COL6A6: variants seen among roughly 807,000 people sequenced by gnomAD.
COL6A6 encodes the protein collagen alpha-6(VI) chain.
Under a neutral mutation model 208.6 loss-of-function variants are expected in COL6A6, and 183 were observed. The ratio of observed to expected loss-of-function variants is 0.88; its 90% confidence interval spans 0.78 to 0.99. COL6A6 has a LOEUF of 0.99. Ranked by LOEUF, COL6A6 falls within the 50% of genes least tolerant of loss-of-function variation. The probability of loss-of-function intolerance (pLI) is 0.00; values close to 1 mark genes in which losing one functional copy is unlikely to be tolerated. For synonymous variants in COL6A6, 973 were observed against 1,011.8 expected, an observed-to-expected ratio of 0.96 and a Z score of 0.73; for missense variants, 2,816 against 2,815.2, an observed-to-expected ratio of 1.00 and a Z score of -0.01.
chr3:130,537,993 T>TG (rs200970005), intron 1 of COL6A6, among the ~76,000 whole-genome samples: 2 of 151,386 alleles, frequency 1.3e-5, no homozygotes, highest in African/African-American at 4.8e-5. Flanking sequence ...AAATTTCCAG[T>TG]GAAAGATAAT....
At chr3:130,589,908 A>G in intron 12 of COL6A6, 2 of 389,638 alleles carry the variant, frequency 5.1e-6, no homozygotes, top group Non-Finnish European at 1.0e-5. Flanking sequence ...CTCCCAAATC[A>G]CCAGGGCTAT....
At chr3:130,563,771 C>T (rs182128327) in intron 3 of COL6A6, 107 bp downstream of exon 3, 185 of 737,114 alleles carry the variant, frequency 2.5e-4, no homozygotes, top group Admixed American at 1.6e-3. Flanking sequence ...AAATGGGCTG[C>T]ATTTTCAGAT....
chr3:130,534,231 C>T (rs1348673936), intron 1 of COL6A6, among the ~76,000 whole-genome samples: 1 of 152,070 alleles, frequency 6.6e-6, no homozygotes, highest in Non-Finnish European at 1.5e-5. Flanking sequence ...GAAATGGAAC[C>T]TCACTGTTTT....
chr3:130,621,819 A>G lies in COL6A6; in HGVS notation c.4816-2A>G. 6.2e-7 allele frequency: 1 copy of G among 1,613,316 alleles called. No homozygotes were observed. ...ATTTGCAAACCCCTTGTTTTGTTTCAGGGGCCTCCAGGACCCGGAGGAGAG... is the reference window on the plus strand; with the variant it reads ...ATTTGCAAACCCCTTGTTTTGTTTCGGGGGCCTCCAGGACCCGGAGGAGAG... On this transcript the variant is annotated splice_acceptor_variant, in intron 23 of 36. Transcript: ENST00000358511. LOFTEE classifies it high-confidence loss of function.
chr3:130,528,634 A>T (rs1272756346), intron 1 of COL6A6, among the ~76,000 whole-genome samples: 1 of 152,218 alleles, frequency 6.6e-6, no homozygotes, highest in Non-Finnish European at 1.5e-5. Flanking sequence ...CTCACACACC[A>T]TAGTTTTCTG....
chr3:130,614,913 T>C (rs2064471125), intron 23 of COL6A6, among the ~76,000 whole-genome samples: 1 of 152,084 alleles, frequency 6.6e-6, no homozygotes, highest in Non-Finnish European at 1.5e-5. Flanking sequence ...TTTTTTGTAT[T>C]GGTCTAGCTG....
At chr3:130,645,575 G>T (rs1463843436) in intron 32 of COL6A6, among the ~76,000 whole-genome samples, 1 of 152,122 alleles carries the variant, frequency 6.6e-6, no homozygotes, top group Non-Finnish European at 1.5e-5. Context: ...ACTGTGCCTG[G>T]CCAAAAATAG....
At chr3:130,645,836 A>G (rs1191263192) in intron 32 of COL6A6, among the ~76,000 whole-genome samples, 2 of 152,214 alleles carry the variant, frequency 1.3e-5, no homozygotes, top group Non-Finnish European at 1.5e-5. Context: ...GTTTTTCTGT[A>G]AACTTATCAC....
chr3:130,565,287 G>A lies in COL6A6; in HGVS notation c.955G>A (p.Val319Ile). The A allele has an allele frequency of 6.2e-7, 1 of 1,614,032 alleles. No homozygotes were observed. Among genetic ancestry groups the A allele is most frequent in the Non-Finnish European group, 8.5e-7 (1 of 1,179,896 alleles). ...GAAIKKLRKE[V>I]FSARNGSRKN... ...TGCCATCAAAAAGCTCAGGAAGGAAGTTTTTAGTGCACGGAATGGCAGTCG... is the reference window on the plus strand; with the variant it reads ...TGCCATCAAAAAGCTCAGGAAGGAAATTTTTAGTGCACGGAATGGCAGTCG... The change falls in exon 4 of 37, where the codon GTT becomes ATT. Residue 319 changes from valine to isoleucine, a missense_variant. Transcript: ENST00000358511.
At chr3:130,671,120 C>G (rs1296057895) in intron 36 of COL6A6, among the ~76,000 whole-genome samples, 2 of 152,156 alleles carry the variant, frequency 1.3e-5, no homozygotes, top group East Asian at 3.9e-4. Flanking sequence ...AAATAGAAAC[C>G]TCCATGGCAG....
Position 130,608,953 on chromosome 3 carries a change from A to T in COL6A6, c.4741A>T (p.Lys1581Ter). Residue 1581 changes from lysine to a stop codon, truncating the protein, a stop_gained, in exon 22 of 37, where the codon AAG becomes TAG. Coordinates refer to ENST00000358511, the MANE Select transcript of COL6A6 (RefSeq NM_001102608.3). LOFTEE classifies it high-confidence loss of function. Reference sequence around the variant, plus strand: ...TGGACTTGAAGGCTCCCTGGGACTTAAGGGCCCTCAGGTACATATCAAGAC... The same window carrying T: ...TGGACTTGAAGGCTCCCTGGGACTTTAGGGCCCTCAGGTACATATCAAGAC... ...PDGLEGSLGLKGPQGPRGEAG... is the reference protein window; with the variant it reads ...PDGLEGSLGL The T allele has an allele frequency of 6.2e-7, 1 of 1,612,310 alleles. No homozygotes were observed. Among genetic ancestry groups the T allele is most frequent in the Non-Finnish European group, 8.5e-7 (1 of 1,178,660 alleles).
intron 32 of COL6A6, 68 bp downstream of exon 32, chr3:130,645,070 T>C (rs964688291): frequency 3.4e-6 from 5 of 1,471,590 alleles, no homozygotes; most frequent in Admixed American, 3.3e-5. Context: ...GAAAGATGAG[T>C]TAGAGCAATG....
Position 130,561,273 on chromosome 3 carries a change from G to A in COL6A6, c.64+845G>A, listed in dbSNP as rs188649742. On this transcript the variant is annotated intron_variant, in intron 2 of 36. Transcript: ENST00000358511. ...GGTGGTCACAAATCAAGCCACCCAC[G>A]GCAGGGCTCCCCTGGCAGTCTTCAC... is the stretch of plus-strand genomic sequence containing the variant. 3.7e-4 allele frequency among the ~76,000 whole-genome samples: 57 copies of A among 152,306 alleles called. 1 individual carries two copies. Among genetic ancestry groups the A allele is most frequent in the Admixed American group, 3.3e-4 (5 of 15,302 alleles).
chr3:130,675,395 T>TA lies in COL6A6; in HGVS notation c.*5dup, dbSNP rs747090655. ...AGAAAGTGCTCCCAAACAACATGAT[T>TA]AAAAAAATGCTTGAACAACTTAGCC... ...MIESAPKQHD[*] The change falls in exon 37 of 37, where the codon TAA becomes TAAA. Residue 2264 remains the stop codon, a frameshift_variant and stop_retained_variant. Transcript: ENST00000358511. LOFTEE classifies it high-confidence loss of function. 9.0e-5 allele frequency: 141 copies of TA among 1,569,028 alleles called. No homozygotes were observed. The highest frequency in any genetic ancestry group is 2.4e-4 in the South Asian group (20 of 83,196).
Position 130,673,217 on chromosome 3 carries a change from CA to C in COL6A6, c.6597-1973del, listed in dbSNP as rs1211498711. 8.3e-4 allele frequency among the ~76,000 whole-genome samples: 48 copies of C among 57,564 alleles called. No individual in the cohort carries two copies. The South Asian group carries it at 9.0e-3, about 11-fold the overall frequency. 37.8% of individuals were successfully genotyped at this position (57,564 alleles called of 152,430 possible). A position where few individuals can be genotyped will look rare whatever the true frequency, so the allele number is the denominator to read the frequency against. Reference sequence around the variant, plus strand: ...AAAAAAACAAAAAAAACAAAAAAAACAAAAAAAAAAAACAAAACCCAAGTGC... The same window carrying C: ...AAAAAAACAAAAAAAACAAAAAAAACAAAAAAAAAAACAAAACCCAAGTGC... On this transcript the variant is annotated intron_variant, in intron 36 of 36. Transcript: ENST00000358511.
rs777203531 is a variant in COL6A6, at chr3:130,573,971, A to C, written c.2993A>C (p.Lys998Thr). 6.2e-7 allele frequency: 1 copy of C among 1,608,598 alleles called. No homozygotes were observed. Among genetic ancestry groups the C allele is most frequent in the South Asian group, 1.1e-5 (1 of 90,880 alleles). Reference sequence around the variant, plus strand: ...TTCTTTGTAGATTGTGAAATTGACAAAGTAGATCTTGTTTTCCTTATGGAT... The same window carrying C: ...TTCTTTGTAGATTGTGAAATTGACACAGTAGATCTTGTTTTCCTTATGGAT... ...NSSKVDCEIDKVDLVFLMDGS... is the reference protein window; with the variant it reads ...NSSKVDCEIDTVDLVFLMDGS... Residue 998 changes from lysine (K) to threonine (T), a missense_variant, in exon 8 of 37, where the codon AAA (lysine) becomes ACA (threonine). By Grantham distance (78) the Lys-to-Thr change is moderately conservative. Transcript: ENST00000358511.
At chr3:130,637,626 A>G (rs1469192831) in intron 28 of COL6A6, among the ~76,000 whole-genome samples, 1 of 152,170 alleles carries the variant, frequency 6.6e-6, no homozygotes, top group East Asian at 1.9e-4. Flanking sequence ...TGAAGTTTCT[A>G]TTGGAAGATT....
At chr3:130,637,465 T>A (rs1023494994) in intron 28 of COL6A6, among the ~76,000 whole-genome samples, 9 of 151,670 alleles carry the variant, frequency 5.9e-5, no homozygotes, top group African/African-American at 7.3e-5. Flanking sequence ...TGTTTGAAAA[T>A]TTTTTTTTCT....
At chr3:130,593,718 T>C (rs1338485559) in intron 17 of COL6A6, among the ~76,000 whole-genome samples, 1 of 152,144 alleles carries the variant, frequency 6.6e-6, no homozygotes, top group East Asian at 1.9e-4. Flanking sequence ...ATTGTAGAGT[T>C]ACATGGCAAA....
Sources: allele counts gnomAD v4.1 joint callset (sites outside exome capture counted in the v4.1 genomes callset), GRCh38; gene constraint gnomAD v4.1.1; transcripts MANE v1.5; gene names NCBI Gene and HGNC (gene_info 2026-07-23, HGNC 2026-07-21).